OTULIN: variants seen among roughly 807,000 people sequenced by gnomAD.
OTULIN encodes OTU deubiquitinase with linear linkage specificity.
Under a neutral mutation model 39.6 loss-of-function variants are expected in OTULIN, and 15 were observed. That is an observed-to-expected ratio of 0.38 (90% CI 0.25 to 0.58). The LOEUF (loss-of-function observed/expected upper bound fraction) is 0.58. Ranked by LOEUF, OTULIN falls within the 20% of genes least tolerant of loss-of-function variation. The pLI is 0.66. For synonymous variants in OTULIN, 156 were observed against 170.3 expected (o/e 0.92, Z 0.65); for missense variants, 319 against 445.9 (o/e 0.72, Z 2.56).
At chr5:14,677,545 G>A (rs961100554) in intron 2 of OTULIN, among the ~76,000 whole-genome samples, 39 of 152,208 alleles carry the variant, frequency 2.6e-4, no homozygotes, top group Middle Eastern at 3.4e-3. Flanking sequence ...ATGTGCATGT[G>A]CGTGTATATG....
rs1183298194 is a variant in OTULIN at position 14,681,199 on chromosome 5, A to G, written c.325-265A>G. Among the ~76,000 whole-genome samples, 5 of 152,074 alleles carry G rather than the reference A, an allele frequency of 3.3e-5. No individual in the cohort carries two copies. In the East Asian group the frequency reaches 5.8e-4, roughly 18 times the overall value. ...TTTTTCTATATTTTTTTAGTAGGAA[A>G]ATATAAACTTAGTTTAGCTCTCTTT... On this transcript the variant is annotated intron_variant, in intron 3 of 6. Transcript: ENST00000284274.
chr5:14,716,137 C>G, the OTULIN span, among the ~76,000 whole-genome samples: 4 of 152,146 alleles, frequency 2.6e-5, no homozygotes, highest in African/African-American at 9.7e-5. Context: ...TTTTATTGTC[C>G]CCAAAGCTCC....
intron 3 of OTULIN, among the ~76,000 whole-genome samples, chr5:14,679,219 G>C (rs1736183854): frequency 6.6e-6 from 1 of 152,142 alleles, no homozygotes; most frequent in Admixed American, 6.5e-5. Context: ...CCTACACAGG[G>C]GAATCAGGAA....
Position 14,698,740 on chromosome 5 carries a change from C to T in OTULIN, c.*5692C>T, listed in dbSNP as rs999823178. 1 of 152,300 alleles carries T rather than the reference C, an allele frequency of 6.6e-6. No individual in the cohort carries two copies. The highest frequency in any genetic ancestry group is 2.4e-5 in the African/African-American group (1 of 41,428). The allele number at this position is 152,300 out of a possible 1,614,324, so 9.4% of individuals were successfully genotyped here. A position where few individuals can be genotyped will look rare whatever the true frequency, so the allele number is the denominator to read the frequency against. ...TGTCCACATGGCTGACTCTTGACCC[C>T]TGGCCATTGTGAGCAGAGGAATCAA... On this transcript the variant is annotated 3_prime_UTR_variant, in exon 7 of 7. Coordinates refer to ENST00000284274, the MANE Select transcript of OTULIN (RefSeq NM_138348.6).
In OTULIN at chr5:14,695,283, C is replaced by T. The variant is rs1736637243; in HGVS notation, c.*2235C>T. 6.6e-6 allele frequency: 1 copy of T among 151,994 alleles called. No individual in the cohort carries two copies. Among genetic ancestry groups the T allele is most frequent in the Non-Finnish European group, 1.5e-5 (1 of 67,970 alleles). 9.4% of individuals were successfully genotyped at this position (151,994 alleles called of 1,614,324 possible). ...TTTAAAAATAATTTTTTTTTAATTG[C>T]AATATGCAGCTTCAGTTGCCCAGAA... On this transcript the variant is annotated 3_prime_UTR_variant, in exon 7 of 7. Coordinates refer to ENST00000284274, the MANE Select transcript of OTULIN (RefSeq NM_138348.6).
chr5:14,713,310 C>A, the OTULIN span, among the ~76,000 whole-genome samples: 28 of 152,310 alleles, frequency 1.8e-4, no homozygotes, highest in Non-Finnish European at 3.7e-4. The surrounding 1 kb of genome is among the most constrained non-coding windows in gnomAD (Gnocchi z 4.4). Flanking sequence ...CGGCCATGCC[C>A]TGACAGGAGC....
the OTULIN span, chr5:14,708,081 C>G: frequency 6.6e-6 from 1 of 152,230 alleles, no homozygotes; most frequent in Non-Finnish European, 1.5e-5. Context: ...TCGTCTAGTT[C>G]TTTTTGCTCA....
intron 5 of OTULIN, among the ~76,000 whole-genome samples, chr5:14,688,791 C>T (rs1339275193): frequency 6.6e-6 from 1 of 152,042 alleles, no homozygotes; most frequent in African/African-American, 2.4e-5. Context: ...GGGCTGTAGC[C>T]CTGTGGGAGT....
In OTULIN at chr5:14,693,018, C is replaced by G. The variant is rs376337976; in HGVS notation, c.1029C>G (p.Pro343=). The change falls in exon 7 of 7, where the codon CCC becomes CCG. Residue 343 remains proline (P), a synonymous_variant. Transcript: ENST00000284274. Reference sequence around the variant, plus strand: ...AGGACGATCGGCACTATAACATCCCCGTCAGAGTGTGTGAGGAGACCAGTC... The same window carrying G: ...AGGACGATCGGCACTATAACATCCCGGTCAGAGTGTGTGAGGAGACCAGTC... The part of the protein sequence containing the change: ...IAEDDRHYNI[P]VRVCEETSL 154 of 1,613,690 alleles carry G rather than the reference C, an allele frequency of 9.5e-5. No homozygotes were observed. The highest frequency in any genetic ancestry group is 1.3e-4 in the Non-Finnish European group (150 of 1,179,866).
Position 14,699,508 on chromosome 5 carries a change from G to A in OTULIN, c.*6460G>A, listed in dbSNP as rs1561008103. On this transcript the variant is annotated 3_prime_UTR_variant, in exon 7 of 7. Coordinates refer to ENST00000284274, the MANE Select transcript of OTULIN (RefSeq NM_138348.6). ...CTCCAGTGGCCCATTCATTTGGATT[G>A]ATACACTTTTTCAGTGTCAGAAATG... 6.6e-6 allele frequency: 1 copy of A among 152,198 alleles called. No homozygotes were observed. The highest frequency in any genetic ancestry group is 2.4e-5 in the African/African-American group (1 of 41,442). 9.4% of individuals were successfully genotyped at this position (152,198 alleles called of 1,614,324 possible).
chr5:14,715,072 G>A, the OTULIN span, among the ~76,000 whole-genome samples: 1 of 152,240 alleles, frequency 6.6e-6, no homozygotes, highest in African/African-American at 2.4e-5. Context: ...GACGCCGCAA[G>A]GCCTTAGAGC....
the OTULIN span, among the ~76,000 whole-genome samples, chr5:14,715,244 G>C: frequency 1.3e-5 from 2 of 152,322 alleles, no homozygotes; most frequent in South Asian, 4.1e-4. Flanking sequence ...CGATTCTCCT[G>C]CCTTAGCCTC....
chr5:14,689,929 TAAGTGA>T (rs1736481978), intron 5 of OTULIN, 104 bp from the exon 6 acceptor site: 1 of 1,090,560 alleles, frequency 9.2e-7, no homozygotes, highest in Non-Finnish European at 1.3e-6. Flanking sequence ...TGAGCATTGG[TAAGTGA>T]CCCATGGTCA....
chr5:14,672,284 A>C (rs1579961174), intron 1 of OTULIN, among the ~76,000 whole-genome samples: 1 of 152,154 alleles, frequency 6.6e-6, no homozygotes, highest in South Asian at 2.1e-4. Flanking sequence ...GTGAGGTCCT[A>C]ATTTTGACAT....
At position 14,687,454 on chromosome 5, in the gene OTULIN, T is replaced by G. The variant is rs536342054; in HGVS notation, c.469-67T>G. On this transcript the variant is annotated intron_variant, in intron 4 of 6. Coordinates refer to ENST00000284274, the MANE Select transcript of OTULIN (RefSeq NM_138348.6). ...TATAGACTTTGTGGTTTCTTACAGC[T>G]TGGATTGTGTGGTGGATTTCTTGGA... The G allele has an allele frequency of 1.9e-6, 3 of 1,549,384 alleles. No individual in the cohort carries two copies. In the East Asian group the frequency reaches 6.9e-5, roughly 36 times the overall value.
At chr5:14,670,375 T>C (rs1449664026) in intron 1 of OTULIN, among the ~76,000 whole-genome samples, 1 of 152,264 alleles carries the variant, frequency 6.6e-6, no homozygotes, top group African/African-American at 2.4e-5. Flanking sequence ...TTCAGCTTTA[T>C]TATTTTAATA....
chr5:14,673,827 T>C (rs1736034953), intron 2 of OTULIN, 109 bp downstream of exon 2: 2 of 881,632 alleles, frequency 2.3e-6, no homozygotes, highest in African/African-American at 1.7e-5. Flanking sequence ...TTCTTATGTA[T>C]ATGGTCTTAT....
the OTULIN span, chr5:14,708,549 ATC>A: frequency 1.3e-5 from 2 of 152,202 alleles, no homozygotes; most frequent in Non-Finnish European, 2.9e-5. Flanking sequence ...CCCTGGTTTG[ATC>A]TCTCATGTCT....
chr5:14,666,418 A>AG (rs1735846940), intron 1 of OTULIN, among the ~76,000 whole-genome samples: 1 of 152,170 alleles, frequency 6.6e-6, no homozygotes, highest in African/African-American at 2.4e-5. Flanking sequence ...TAAAAAAAAA[A>AG]CTAGCCTAGG....
Sources: gnomAD v4.1 joint callset for allele counts (sites outside exome capture counted in the v4.1 genomes callset) on GRCh38, gnomAD v4.1.1 for gene constraint, Gnocchi (gnomAD v3.1) non-coding constraint, MANE v1.5 for transcripts, NCBI Gene and HGNC (gene_info 2026-07-23, HGNC 2026-07-21) for gene names.